Variants in MMS22L observed in about 807,000 individuals in gnomAD.
MMS22L encodes the protein protein MMS22-like.
In MMS22L, 74 loss-of-function variants were observed where a neutral mutation model predicts 159.1. The ratio of observed to expected loss-of-function variants is 0.47; its 90% CI spans 0.39 to 0.56. MMS22L has a LOEUF of 0.56. Among genes scored for constraint, MMS22L ranks in the 20% least tolerant of loss-of-function variants. The probability of loss-of-function intolerance (pLI) is 0.00; values close to 1 mark genes in which losing one functional copy is unlikely to be tolerated. For synonymous variants in MMS22L, 517 were observed against 506.9 expected (o/e 1.02, Z -0.27); for missense variants, 1,351 against 1,422.1 (o/e 0.95, Z 0.80).
chr6:97,148,903 G>A (rs1329479716), intron 24 of MMS22L, among the ~76,000 whole-genome samples: 1 of 151,888 alleles, frequency 6.6e-6, no homozygotes, highest in Non-Finnish European at 1.5e-5. Context: ...TGCACTCACG[G>A]TAAGTGCCCT....
intron 11 of MMS22L, among the ~76,000 whole-genome samples, chr6:97,235,663 C>T (rs1041780970): frequency 2.6e-5 from 4 of 152,134 alleles, no homozygotes; most frequent in Admixed American, 6.5e-5. Context: ...AAGTCATTGA[C>T]GGCCTTCCCA....
intron 14 of MMS22L, among the ~76,000 whole-genome samples, chr6:97,190,601 C>G (rs780306890): frequency 9.2e-5 from 14 of 152,192 alleles, no homozygotes; most frequent in African/African-American, 1.4e-4. Context: ...CTGGTATTTA[C>G]TATGAGACCA....
intron 3 of MMS22L, 119 bp downstream of exon 3, chr6:97,281,118 T>G (rs1485465930): frequency 3.1e-6 from 3 of 957,274 alleles, no homozygotes; most frequent in Non-Finnish European, 4.5e-6. Flanking sequence ...GATAATCAAG[T>G]GAGCAACCAG....
rs1252878914 is a variant in MMS22L at position 97,229,032 on chromosome 6, A to ACTT, written c.1898_1900dup (p.Glu633dup). 1 of 1,614,144 alleles carries ACTT rather than the reference A, an allele frequency of 6.2e-7. No homozygotes were observed. Among genetic ancestry groups the ACTT allele is most frequent in the Non-Finnish European group, 8.5e-7 (1 of 1,180,018 alleles). The stretch of plus-strand genomic sequence containing the variant: ...ATACAAGCAATAGCTGGTCTCAAAC[A>ACTT]CTTCTTGAACACCATCAATGTATAT... On this transcript the variant is annotated inframe_insertion, in exon 14 of 25. Transcript: ENST00000683635.
At chr6:97,170,147 C>T (rs1249524672) in intron 19 of MMS22L, among the ~76,000 whole-genome samples, 2 of 152,108 alleles carry the variant, frequency 1.3e-5, no homozygotes, top group African/African-American at 4.8e-5. Flanking sequence ...ACACAGCATA[C>T]ATAGGATTGG....
chr6:97,151,784 T>C lies in MMS22L; in HGVS notation c.3469A>G (p.Thr1157Ala). The C allele has an allele frequency of 6.2e-7, 1 of 1,613,580 alleles. No individual in the cohort carries two copies. The highest frequency in any genetic ancestry group is 1.3e-5 in the African/African-American group (1 of 75,002). ...TTTTCCAGTTACCTAAACACAGAAG[T>C]CAGCTGGGAGGAAGGTTCTTCTTCT... The part of the protein sequence containing the change: ...GSEEEPSSQL[T>A]SVFRQFIQDY... Residue 1157 changes from threonine to alanine, a missense_variant, in exon 23 of 25, where the codon ACT becomes GCT. Thr to Ala is a moderately conservative substitution (Grantham distance 58). Coordinates refer to ENST00000683635, the MANE Select transcript of MMS22L (RefSeq NM_001350599.2).
At chr6:97,195,289 G>A (rs1806371164) in intron 14 of MMS22L, among the ~76,000 whole-genome samples, 1 of 152,164 alleles carries the variant, frequency 6.6e-6, no homozygotes, top group Non-Finnish European at 1.5e-5. Flanking sequence ...CACAATGGGT[G>A]ACAGATGAAC....
chr6:97,268,547 ATC>A (rs745592324), intron 7 of MMS22L, among the ~76,000 whole-genome samples: 60 of 152,190 alleles, frequency 3.9e-4, no homozygotes, highest in Non-Finnish European at 7.8e-4. Flanking sequence ...TAATAAGTCT[ATC>A]TTTAAGAAGC....
chr6:97,263,214 T>C, intron 9 of MMS22L, 121 bp downstream of exon 9: 1 of 635,312 alleles, frequency 1.6e-6, no homozygotes, highest in Non-Finnish European at 2.7e-6. Context: ...TATTGCTCTA[T>C]TGGTGGTTAT....
In MMS22L at chr6:97,273,238, C is replaced by T. The variant is rs1201279774; in HGVS notation, c.341-176G>A. The stretch of plus-strand genomic sequence containing the variant: ...CAAAAAATGCTCTTATTAAAGTCAC[C>T]AATCACACCCACATTGCCCAATCTA... On this transcript the variant is annotated intron_variant, in intron 4 of 24. Coordinates refer to ENST00000683635, the MANE Select transcript of MMS22L (RefSeq NM_001350599.2). The T allele has an allele frequency of 1.2e-5, 7 of 591,968 alleles. No individual in the cohort carries two copies. In the East Asian group the frequency reaches 1.4e-4, roughly 12 times the overall value. The allele number at this position is 591,968 out of a possible 1,614,324, so 36.7% of individuals were successfully genotyped here.
chr6:97,142,897 T>G lies in MMS22L; in HGVS notation c.*3909A>C, dbSNP rs1192720661. ...CCCACAAACATCTGACTCACAAATA[T>G]TTTCTTATACAGATGCTGAGGTAGA... On this transcript the variant is annotated 3_prime_UTR_variant, in exon 25 of 25. Transcript: ENST00000683635. 2.0e-5 allele frequency: 3 copies of G among 152,352 alleles called. No individual in the cohort carries two copies. Among genetic ancestry groups the G allele is most frequent in the Non-Finnish European group, 4.4e-5 (3 of 68,002 alleles). 9.4% of individuals were successfully genotyped at this position (152,352 alleles called of 1,614,324 possible).
intron 11 of MMS22L, chr6:97,246,062 AAT>A (rs1374436736): frequency 1.5e-5 from 5 of 330,228 alleles, no homozygotes; most frequent in Admixed American, 4.2e-5. Context: ...GCTTCCATAC[AAT>A]ATGTTTAAAA....
intron 19 of MMS22L, among the ~76,000 whole-genome samples, chr6:97,168,761 T>C (rs1041203462): frequency 6.6e-6 from 1 of 152,138 alleles, no homozygotes; most frequent in African/African-American, 2.4e-5. Flanking sequence ...TATTTATACA[T>C]TATGTGACTA....
chr6:97,266,462 C>T (rs1258819557), intron 8 of MMS22L: 1 of 152,168 alleles, frequency 6.6e-6, no homozygotes, highest in African/African-American at 2.4e-5. Context: ...GGTTTATATA[C>T]ACAATGGAAT....
intron 11 of MMS22L, among the ~76,000 whole-genome samples, chr6:97,239,705 A>G (rs569146979): frequency 3.9e-5 from 6 of 152,300 alleles, no homozygotes; most frequent in South Asian, 4.1e-4. Flanking sequence ...CTTGAGGCCA[A>G]TAATTCAAGA....
chr6:97,242,194 A>G (rs886790870), intron 11 of MMS22L, among the ~76,000 whole-genome samples: 9 of 152,168 alleles, frequency 5.9e-5, no homozygotes, highest in Admixed American at 3.9e-4. Context: ...TTGTCAGTAG[A>G]GTACTGAAGT....
At chr6:97,161,320 A>C (rs376971325) in intron 22 of MMS22L, among the ~76,000 whole-genome samples, 79 of 152,104 alleles carry the variant, frequency 5.2e-4, no homozygotes, top group African/African-American at 1.8e-3. Context: ...TCAGCTGTTA[A>C]GCTCCACTAA....
chr6:97,271,123 T>C (rs192778428), intron 6 of MMS22L: 1 of 152,180 alleles, frequency 6.6e-6, no homozygotes, highest in East Asian at 1.9e-4. Flanking sequence ...AAACAAGACA[T>C]TTCATATACA....
chr6:97,186,612 T>C lies in MMS22L; in HGVS notation c.2118A>G (p.Lys706=). 1.2e-6 allele frequency: 2 copies of C among 1,611,938 alleles called. No individual in the cohort carries two copies. Among genetic ancestry groups the C allele is most frequent in the Admixed American group, 3.4e-5 (2 of 59,390 alleles). ...TGGCAACTGCAGCAAGGTGGCGCTC[T>C]TTAGCCGATAATGAAGACTGTACAA... ...DLFVQSSLSA[K]ERHLAAVASA... The change falls in exon 15 of 25, where the codon AAA becomes AAG. Residue 706 remains lysine (K), a synonymous_variant. Coordinates refer to ENST00000683635, the MANE Select transcript of MMS22L (RefSeq NM_001350599.2).
Sources: gnomAD v4.1 joint callset for allele counts (sites outside exome capture counted in the v4.1 genomes callset) on GRCh38, gnomAD v4.1.1 for gene constraint, MANE v1.5 for transcripts, NCBI Gene and HGNC (gene_info 2026-07-23, HGNC 2026-07-21) for gene names.